ARHGEF18: variants seen among roughly 807,000 people sequenced by gnomAD.
The protein encoded by ARHGEF18 is Rho/Rac guanine nucleotide exchange factor 18.
A neutral mutation model predicts 155.7 loss-of-function variants in ARHGEF18; 93 were observed. The observed-to-expected ratio is 0.60, with a 90% CI of 0.50 to 0.71. The LOEUF (loss-of-function observed/expected upper bound fraction) is 0.71, where lower values mean the gene tolerates loss of function less well. ARHGEF18 is among the 30% of genes least tolerant of loss of function. ARHGEF18 has a pLI of 0.00. For synonymous variants in ARHGEF18, 742 were observed against 753.1 expected (o/e 0.99, Z 0.24); for missense variants, 1,593 against 1,816.1 (o/e 0.88, Z 2.23).
chr19:7,418,903 G>T (rs780580236), intron 10 of ARHGEF18, among the ~76,000 whole-genome samples: 3 of 151,848 alleles, frequency 2.0e-5, no homozygotes, highest in Admixed American at 6.6e-5. Context: ...TCCACCTGGC[G>T]CCTGTTCAGT....
chr19:7,383,873 G>A (rs1416692784), intron 10 of ARHGEF18, among the ~76,000 whole-genome samples: 1 of 152,066 alleles, frequency 6.6e-6, no homozygotes, highest in African/African-American at 2.4e-5. Context: ...ATAGCAGGTC[G>A]TTTTCTGCTT....
intron 13 of ARHGEF18, 97 bp downstream of exon 13, chr19:7,442,149 CCTTCCTTCCT>C: frequency 2.1e-6 from 1 of 476,792 alleles, no homozygotes; most frequent in South Asian, 4.9e-5. Context: ...TTCCTTCCTT[CCTTCCTTCCT>C]TCCTTCCTTC....
intron 15 of ARHGEF18, among the ~76,000 whole-genome samples, chr19:7,450,095 C>T (rs934638204): frequency 6.6e-6 from 1 of 151,866 alleles, no homozygotes; most frequent in Non-Finnish European, 1.5e-5. Context: ...AGCCCCCAGC[C>T]TTGGCAGCCG....
Position 7,444,794 on chromosome 19 carries a change from C to A in ARHGEF18, c.1611+340C>A, listed in dbSNP as rs954844346. Among the ~76,000 whole-genome samples the A allele has an allele frequency of 5.3e-5, 8 of 152,176 alleles. No homozygotes were observed. The highest frequency in any genetic ancestry group is 1.9e-4 in the African/African-American group (8 of 41,440). On this transcript the variant is annotated intron_variant, in intron 14 of 28. Transcript: ENST00000668164. The surrounding 1 kb of genome is among the most constrained non-coding windows in gnomAD (Gnocchi z 4.7). Reference sequence around the variant, plus strand: ...ACGTAGCTGGGACTCCAGGGAACACCATGCCTGGCTAACTTTTTATTTTTT... The same window carrying A: ...ACGTAGCTGGGACTCCAGGGAACACAATGCCTGGCTAACTTTTTATTTTTT...
At chr19:7,375,352 GAA>G in intron 3 of ARHGEF18, among the ~76,000 whole-genome samples, 1 of 115,378 alleles carries the variant, frequency 8.7e-6, no homozygotes, top group East Asian at 2.5e-4. Flanking sequence ...GAAAAAGAAA[GAA>G]AAGGAAGGAA....
At position 7,441,632 on chromosome 19, in the gene ARHGEF18, GT is replaced by G. The variant is rs1179040272; in HGVS notation, c.1107-16del. ...TTTAATTCACTTTTCTAAAACAATT[GT>G]TTTTATTGTTTGCACTCAGACCAAT... is the stretch of plus-strand genomic sequence containing the variant. On this transcript the variant is annotated intron_variant, in intron 11 of 28. Transcript: ENST00000668164. 1 of 1,594,160 alleles carries G rather than the reference GT, an allele frequency of 6.3e-7. No homozygotes were observed. The highest frequency in any genetic ancestry group is 8.6e-7 in the Non-Finnish European group (1 of 1,162,256).
At chr19:7,456,528 C>A in intron 18 of ARHGEF18, 125 bp downstream of exon 18, 1 of 853,706 alleles carries the variant, frequency 1.2e-6, no homozygotes, top group Non-Finnish European at 1.9e-6. Context: ...TCCAGCCTGG[C>A]CAACATGGTG....
chr19:7,380,466 G>A (rs550305406), intron 7 of ARHGEF18, among the ~76,000 whole-genome samples: 6 of 143,758 alleles, frequency 4.2e-5, no homozygotes, highest in African/African-American at 1.1e-4. Context: ...GTGACAGAGC[G>A]AGACTCCATC....
rs371804807 is a variant in ARHGEF18 at position 7,456,130 on chromosome 19, G to A, written c.2105-197G>A. Among the ~76,000 whole-genome samples, 81 of 152,300 alleles carry A rather than the reference G, an allele frequency of 5.3e-4. No homozygotes were observed. In the East Asian group the frequency reaches 8.7e-3, roughly 16 times the overall value. On this transcript the variant is annotated intron_variant, in intron 17 of 28. Coordinates refer to ENST00000668164, the MANE Select transcript of ARHGEF18 (RefSeq NM_001367823.1). ...ACGGAAGGGACTTAGAGGAGGCTCCGGCTGCTCGTTGGTGCTGAAGGTTGA... is the reference window on the plus strand; with the variant it reads ...ACGGAAGGGACTTAGAGGAGGCTCCAGCTGCTCGTTGGTGCTGAAGGTTGA...
At chr19:7,390,596 C>T (rs1971348135) in intron 10 of ARHGEF18, 1 of 151,848 alleles carries the variant, frequency 6.6e-6, no homozygotes, top group Admixed American at 6.6e-5. Flanking sequence ...GTCTGGTACA[C>T]ACGGGCAATG....
chr19:7,405,111 C>T (rs1280056786), intron 10 of ARHGEF18, among the ~76,000 whole-genome samples: 1 of 152,194 alleles, frequency 6.6e-6, no homozygotes, highest in East Asian at 1.9e-4. Flanking sequence ...GTGCCCGCCA[C>T]TATGCCCAGC....
At position 7,470,355 on chromosome 19, in the gene ARHGEF18, T is replaced by C; in HGVS notation, c.*57T>C. On this transcript the variant is annotated 3_prime_UTR_variant, in exon 29 of 29. Transcript: ENST00000668164. This position sits in a 1 kb window ranked among gnomAD's most constrained non-coding sequence, Gnocchi z 5.9. The stretch of plus-strand genomic sequence containing the variant: ...CCTGCCCTGCCCACCCTTCCTGCTC[T>C]CTGGGGACCCCCATGGGGTCACCAT... 7.2e-7 allele frequency: 1 copy of C among 1,383,896 alleles called. No homozygotes were observed. Among genetic ancestry groups the C allele is most frequent in the Non-Finnish European group, 9.4e-7 (1 of 1,064,302 alleles). The allele number at this position is 1,383,896 out of a possible 1,614,324, so 85.7% of individuals were successfully genotyped here. A position where few individuals can be genotyped will look rare whatever the true frequency, so the allele number is the denominator to read the frequency against.
At position 7,382,866 on chromosome 19, in the gene ARHGEF18, G is replaced by A. The variant is rs755111188; in HGVS notation, c.797G>A (p.Arg266His). The change falls in exon 9 of 29, where the codon CGC (arginine) becomes CAC (histidine). Residue 266 changes from arginine (R) to histidine (H), a missense_variant. Arg to His is a conservative substitution (Grantham distance 29). Transcript: ENST00000668164. ...GTGAAGCGCAGGCTGAGCTGCCTCC[G>A]CAGTCGAGTGACCAGGCAGAAGGAG... Reference protein sequence around the residue: ...TSVKRRLSCLRSRVTRQKEKG... With the variant: ...TSVKRRLSCLHSRVTRQKEKG... The A allele has an allele frequency of 2.6e-4, 319 of 1,232,476 alleles. No homozygotes were observed. The highest frequency in any genetic ancestry group is 5.9e-4 in the Admixed American group (14 of 23,704). The allele number at this position is 1,232,476 out of a possible 1,614,324, so 76.3% of individuals were successfully genotyped here. A position where few individuals can be genotyped will look rare whatever the true frequency, so the allele number is the denominator to read the frequency against.
intron 8 of ARHGEF18, among the ~76,000 whole-genome samples, chr19:7,381,443 C>T (rs779540071): frequency 6.6e-6 from 1 of 151,844 alleles, no homozygotes; most frequent in Non-Finnish European, 1.5e-5. Context: ...TTTGGGAGGC[C>T]GAGGAGGGTG....
chr19:7,437,420 C>T (rs1164788836), intron 10 of ARHGEF18, among the ~76,000 whole-genome samples: 1 of 110,658 alleles, frequency 9.0e-6, no homozygotes, highest in African/African-American at 3.7e-5. Context: ...GGAAATCCGT[C>T]TCAAAAAAAA....
At chr19:7,428,201 A>G (rs999366152) in intron 10 of ARHGEF18, among the ~76,000 whole-genome samples, 2 of 152,196 alleles carry the variant, frequency 1.3e-5, no homozygotes, top group African/African-American at 2.4e-5. Context: ...GAGTCATACA[A>G]TTCCACTTAA....
chr19:7,404,942 G>A (rs185470403), intron 10 of ARHGEF18, among the ~76,000 whole-genome samples: 40 of 151,036 alleles, frequency 2.6e-4, no homozygotes, highest in Admixed American at 2.0e-3. Context: ...TATTGTGTGC[G>A]ACAGACTCGG....
In ARHGEF18 at chr19:7,362,158, GAGA is replaced by G. The variant is rs1169482407; in HGVS notation, c.-110-617_-110-615del. ...GAAGGAGAAGGAGAAGGAGAAGGAGGAGAAGAAGGAGAAGAAGGAGAAGAAGGA... is the reference window on the plus strand; with the variant it reads ...GAAGGAGAAGGAGAAGGAGAAGGAGGAGAAGGAGAAGAAGGAGAAGAAGGA... On this transcript the variant is annotated intron_variant, in intron 1 of 28. Transcript: ENST00000668164. 4.1e-4 allele frequency among the ~76,000 whole-genome samples: 9 copies of G among 22,184 alleles called. 1 individual carries two copies. Among genetic ancestry groups the G allele is most frequent in the African/African-American group, 2.9e-3 (8 of 2,776 alleles). 14.6% of individuals were successfully genotyped at this position (22,184 alleles called of 152,430 possible). A position where few individuals can be genotyped will look rare whatever the true frequency, so the allele number is the denominator to read the frequency against.
intron 10 of ARHGEF18, among the ~76,000 whole-genome samples, chr19:7,406,463 A>G (rs1179227629): frequency 6.6e-6 from 1 of 152,180 alleles, no homozygotes; most frequent in Admixed American, 6.6e-5. Context: ...TAGGAATCTG[A>G]TATTACAGTC....
Sources: gnomAD v4.1 joint callset for allele counts (sites outside exome capture counted in the v4.1 genomes callset) on GRCh38, gnomAD v4.1.1 for gene constraint, Gnocchi (gnomAD v3.1) non-coding constraint, MANE v1.5 for transcripts, NCBI Gene and HGNC (gene_info 2026-07-23, HGNC 2026-07-21) for gene names.